The following LRIG1 variants were observed in gnomAD, a reference collection of about 807,000 sequenced individuals.
LRIG1 encodes the protein leucine-rich repeats and immunoglobulin-like domains protein 1.
LRIG1 carries 48 observed loss-of-function variants against 99.2 expected under a neutral mutation model. That is an observed-to-expected ratio of 0.48 (90% CI 0.38 to 0.62). LRIG1 has a LOEUF of 0.62. Among genes scored for constraint, LRIG1 ranks in the 20% least tolerant of loss-of-function variants. LRIG1 has a pLI of 0.00. For synonymous variants in LRIG1, 772 were observed against 596.1 expected, an observed-to-expected ratio of 1.29 and a Z score of -4.30; for missense variants, 1,646 against 1,434.4, an observed-to-expected ratio of 1.15 and a Z score of -2.38.
intron 12 of LRIG1, among the ~76,000 whole-genome samples, chr3:66,390,681 A>AG (rs1195114755): frequency 6.6e-6 from 1 of 152,202 alleles, no homozygotes; most frequent in African/African-American, 2.4e-5. Context: ...ATAAAATCAA[A>AG]GGGCTTTGTA....
chr3:66,414,345 T>A lies in LRIG1; in HGVS notation c.647+575A>T, dbSNP rs368834207. Among the ~76,000 whole-genome samples the A allele has an allele frequency of 4.0e-5, 6 of 151,724 alleles. No homozygotes were observed. In the South Asian group the frequency reaches 1.0e-3, roughly 26 times the overall value. ...CCCGGGGGCGGAGCTTGCAGTGAGC[T>A]GAGATCACACCACTGCACCCCACCT... On this transcript the variant is annotated intron_variant, in intron 5 of 18. Transcript: ENST00000273261.
At chr3:66,476,920 A>T (rs1445135340) in intron 1 of LRIG1, among the ~76,000 whole-genome samples, 1 of 152,150 alleles carries the variant, frequency 6.6e-6, no homozygotes, top group African/African-American at 2.4e-5. Flanking sequence ...CGTTCCCTTC[A>T]AAGTGAAATT....
intron 3 of LRIG1, among the ~76,000 whole-genome samples, chr3:66,438,800 G>T (rs1046950817): frequency 1.3e-5 from 2 of 152,230 alleles, no homozygotes; most frequent in African/African-American, 4.8e-5. Context: ...ACAAAGGGAT[G>T]GCGCTGTGAG....
intron 5 of LRIG1, among the ~76,000 whole-genome samples, chr3:66,414,359 T>C (rs750603317): frequency 4.0e-5 from 6 of 151,736 alleles, no homozygotes; most frequent in Non-Finnish European, 7.4e-5. Context: ...ATCACACCAC[T>C]GCACCCCACC....
Position 66,500,380 on chromosome 3 carries a change from C to A in LRIG1, c.28G>T (p.Gly10Trp), listed in dbSNP as rs767240219. The A allele has an allele frequency of 6.8e-7, 1 of 1,470,408 alleles. No homozygotes were observed. The highest frequency in any genetic ancestry group is 2.7e-5 in the East Asian group (1 of 36,558). The allele number at this position is 1,470,408 out of a possible 1,614,324, so 91.1% of individuals were successfully genotyped here. MARPVRGGLGAPRRSPCLLL... is the reference protein window; with the variant it reads MARPVRGGLWAPRRSPCLLL... ...AGGCAAGGCGAGCGGCGCGGGGCCC[C>A]GAGCCCTCCCCGGACCGGCCGCGCC... The change falls in exon 1 of 19, where the codon GGG becomes TGG. Residue 10 changes from glycine to tryptophan, a missense_variant. By Grantham distance (184) the Gly-to-Trp change is radical (BLOSUM62 -2). Coordinates refer to ENST00000273261, the MANE Select transcript of LRIG1 (RefSeq NM_015541.3).
At chr3:66,436,218 C>CA (rs1231017876) in intron 3 of LRIG1, among the ~76,000 whole-genome samples, 1 of 152,154 alleles carries the variant, frequency 6.6e-6, no homozygotes, top group Non-Finnish European at 1.5e-5. Flanking sequence ...GAAGACGTGC[C>CA]AGACGTGCAT....
intron 3 of LRIG1, among the ~76,000 whole-genome samples, chr3:66,440,018 G>C (rs1575692763): frequency 1.4e-5 from 2 of 146,614 alleles, no homozygotes; most frequent in Admixed American, 6.6e-5. Flanking sequence ...GAGAAAGAAA[G>C]AGGGGGAAAA....
intron 13 of LRIG1, among the ~76,000 whole-genome samples, 175 bp downstream of exon 13, chr3:66,385,806 T>C (rs1329977606): frequency 6.6e-6 from 1 of 152,210 alleles, no homozygotes; most frequent in Non-Finnish European, 1.5e-5. Context: ...TGAATAACCC[T>C]TGAAATCTGC....
At chr3:66,497,573 C>T (rs1049296662) in intron 1 of LRIG1, among the ~76,000 whole-genome samples, 1 of 151,868 alleles carries the variant, frequency 6.6e-6, no homozygotes, top group Non-Finnish European at 1.5e-5. Context: ...ATCCTCAGGC[C>T]CCAAAAATGA....
At chr3:66,496,228 G>A (rs1701224642) in intron 1 of LRIG1, among the ~76,000 whole-genome samples, 1 of 152,196 alleles carries the variant, frequency 6.6e-6, no homozygotes, top group African/African-American at 2.4e-5. Context: ...AAGCGGGGCA[G>A]GAACAGTTCT....
At chr3:66,459,362 CCT>C (rs1184328543) in intron 2 of LRIG1, among the ~76,000 whole-genome samples, 9 of 152,192 alleles carry the variant, frequency 5.9e-5, no homozygotes, top group Non-Finnish European at 1.0e-4. Context: ...CATGCCTGCC[CCT>C]GATAGATAGG....
chr3:66,429,464 C>T (rs1703086044), intron 3 of LRIG1, among the ~76,000 whole-genome samples: 2 of 152,112 alleles, frequency 1.3e-5, no homozygotes, highest in Admixed American at 1.3e-4. Flanking sequence ...TAAAAGATGC[C>T]CATCTGAAAA....
chr3:66,427,206 C>T (rs1703011647), intron 3 of LRIG1, among the ~76,000 whole-genome samples: 1 of 152,230 alleles, frequency 6.6e-6, no homozygotes, highest in African/African-American at 2.4e-5. Context: ...CAAGGCTCTG[C>T]ATCACACACT....
chr3:66,444,569 A>G (rs1703655049), intron 3 of LRIG1, among the ~76,000 whole-genome samples: 1 of 152,224 alleles, frequency 6.6e-6, no homozygotes, highest in Non-Finnish European at 1.5e-5. Context: ...GTGGTTCTCA[A>G]AGCCACCTGG....
chr3:66,387,134 C>T (rs1041575827), intron 12 of LRIG1: 2 of 150,322 alleles, frequency 1.3e-5, no homozygotes, highest in Admixed American at 6.7e-5. Context: ...AATCAGTAGC[C>T]ACTGTTCAAC....
At chr3:66,436,791 C>A (rs1189410851) in intron 3 of LRIG1, among the ~76,000 whole-genome samples, 1 of 152,074 alleles carries the variant, frequency 6.6e-6, no homozygotes, top group East Asian at 1.9e-4. Context: ...TTATCATTCT[C>A]TAGGTCAGCA....
rs375857035 is a variant in LRIG1, at chr3:66,417,164, G to T, written c.468C>A (p.Asn156Lys). 10 of 1,614,094 alleles carry T rather than the reference G, an allele frequency of 6.2e-6. No individual in the cohort carries two copies. In the African/African-American group the frequency reaches 1.3e-4, roughly 22 times the overall value. The change falls in exon 4 of 19, where the codon AAC becomes AAA. Residue 156 changes from asparagine to lysine, a missense_variant. By Grantham distance (94) the Asn-to-Lys change is moderately conservative. Transcript: ENST00000273261. ...TAGGCGGTCCGTGTGGAAAGCAGGT[G>T]TTCCGCACTTCCGTGATGTTGTTCA... ...LSLNNITEVR[N>K]TCFPHGPPIK... is the part of the protein sequence containing the mutation.
chr3:66,379,513 G>A lies in LRIG1; in HGVS notation c.*750C>T, dbSNP rs900443193. On this transcript the variant is annotated 3_prime_UTR_variant, in exon 19 of 19. Transcript: ENST00000273261. ...TTTTATCATAAAATAAGAGGAGGAG[G>A]AAAGGCAGTGTTTAACTGTTCTGAC... The A allele has an allele frequency of 2.0e-5, 3 of 152,172 alleles. No individual in the cohort carries two copies. The highest frequency in any genetic ancestry group is 6.5e-5 in the Admixed American group (1 of 15,284). The allele number at this position is 152,172 out of a possible 1,614,324, so 9.4% of individuals were successfully genotyped here.
chr3:66,382,307 A>C lies in LRIG1; in HGVS notation c.2583T>G (p.Gly861=). The change falls in exon 16 of 19, where the codon GGT becomes GGG. Residue 861 remains glycine, a synonymous_variant. Coordinates refer to ENST00000273261, the MANE Select transcript of LRIG1 (RefSeq NM_015541.3). ...DRQETVVRTE[G]GPQANGHIES... is the part of the protein sequence containing the mutation. ...CAATGTGCCCATTGGCCTGAGGGCC[A>C]CCCTCGGTCCTGACCACGGTTTCTT... 1 of 1,614,130 alleles carries C rather than the reference A, an allele frequency of 6.2e-7. No individual in the cohort carries two copies. The highest frequency in any genetic ancestry group is 8.5e-7 in the Non-Finnish European group (1 of 1,180,016).
Sources: gnomAD v4.1 joint callset for allele counts (sites outside exome capture counted in the v4.1 genomes callset) on GRCh38, gnomAD v4.1.1 for gene constraint, MANE v1.5 for transcripts, NCBI Gene and HGNC (gene_info 2026-07-23, HGNC 2026-07-21) for gene names.